The following ADPRHL1 variants were observed in gnomAD, a reference collection of about 807,000 sequenced individuals.
ADPRHL1 encodes inactive ADP-ribosyltransferase ARH2.
ADPRHL1 carries 43 observed loss-of-function variants against 44.1 expected under a neutral mutation model. That is an observed-to-expected ratio of 0.98 (90% CI 0.76 to 1.26). The LOEUF (loss-of-function observed/expected upper bound fraction) is 1.26, where lower values mean the gene tolerates loss of function less well. ADPRHL1 is among the 50% of genes most tolerant of loss of function. The pLI, the probability that ADPRHL1 is intolerant of heterozygous loss-of-function variation, is 0.00. For missense variants in ADPRHL1, 2,022 were observed against 2,496.9 expected (o/e 0.81, Z 4.05); for synonymous variants, 878 against 1,017.4 (o/e 0.86, Z 2.61).
At chr13:113,422,749 C>A in intron 7 of ADPRHL1, 77 bp downstream of exon 7, 1 of 1,579,574 alleles carries the variant, frequency 6.3e-7, no homozygotes, top group Non-Finnish European at 8.6e-7. Context: ...CACCCTCACC[C>A]AGGGGCTGCG....
At chr13:113,451,654 AAAAATCAG>A (rs2044179907) in intron 1 of ADPRHL1, among the ~76,000 whole-genome samples, 4 of 152,110 alleles carry the variant, frequency 2.6e-5, no homozygotes, top group Admixed American at 1.3e-4. Context: ...CTAAAAATAC[AAAAATCAG>A]CCGGGCGTGG....
intron 7 of ADPRHL1, among the ~76,000 whole-genome samples, chr13:113,417,704 A>G (rs1436425091): frequency 2.8e-5 from 2 of 72,160 alleles, no homozygotes; most frequent in Non-Finnish European, 6.2e-5. Context: ...AAGTGAGCTG[A>G]TAACTTATTT....
rs2043761605 is a variant in ADPRHL1, at chr13:113,401,510, G to A, written c.*1868C>T. 6.6e-6 allele frequency: 1 copy of A among 152,290 alleles called. No individual in the cohort carries two copies. Among genetic ancestry groups the A allele is most frequent in the African/African-American group, 2.4e-5 (1 of 41,412 alleles). The allele number at this position is 152,290 out of a possible 1,614,324, so 9.4% of individuals were successfully genotyped here. On this transcript the variant is annotated 3_prime_UTR_variant, in exon 8 of 8. Transcript: ENST00000612156. This position sits in a 1 kb window ranked among gnomAD's most constrained non-coding sequence, Gnocchi z 5.5. ...GCTGCCCCGGGACCCACACGCGCGA[G>A]GGGCACCCGGTGCTCAGGAGCCTCC...
chr13:113,446,423 C>T (rs984334725), intron 1 of ADPRHL1, among the ~76,000 whole-genome samples: 3 of 152,222 alleles, frequency 2.0e-5, no homozygotes, highest in South Asian at 2.1e-4. Flanking sequence ...TTCCCTGACC[C>T]GGCCCAGCAG....
chr13:113,415,888 T>C (rs1473107241), intron 7 of ADPRHL1, among the ~76,000 whole-genome samples: 2 of 152,052 alleles, frequency 1.3e-5, no homozygotes, highest in Non-Finnish European at 2.9e-5. Flanking sequence ...CTATACTTGA[T>C]CTTAGCCCAA....
chr13:113,426,483 C>G (rs2043969380), intron 4 of ADPRHL1, among the ~76,000 whole-genome samples: 1 of 152,252 alleles, frequency 6.6e-6, no homozygotes, highest in African/African-American at 2.4e-5. Flanking sequence ...GAGAGCAGAG[C>G]TGGAGGGCTG....
Position 113,433,851 on chromosome 13 carries a change from C to G in ADPRHL1, c.396G>C (p.Ala132=), listed in dbSNP as rs554520662. 3 of 1,561,420 alleles carry G rather than the reference C, an allele frequency of 1.9e-6. No homozygotes were observed. In the African/African-American group the frequency reaches 4.1e-5, roughly 21 times the overall value. ...PFNEKGSGFG[A]ATKAMCIGLR... ...GGCCGATGCACATGGCCTTGGTGGC[C>G]GCTCCAAACCCTGAGCCTGTGTGGA... Residue 132 remains alanine, a synonymous_variant, in exon 3 of 8, where the codon GCG becomes GCC. Transcript: ENST00000612156.
chr13:113,425,004 G>A, intron 5 of ADPRHL1, 48 bp downstream of exon 5: 1 of 1,606,676 alleles, frequency 6.2e-7, no homozygotes, highest in African/African-American at 1.3e-5. Flanking sequence ...CACTTATTGA[G>A]CACCACTGGT....
intron 2 of ADPRHL1, among the ~76,000 whole-genome samples, chr13:113,440,315 T>C (rs533595427): frequency 1.1e-4 from 16 of 152,350 alleles, no homozygotes; most frequent in African/African-American, 3.8e-4. Flanking sequence ...TATGTCCCCC[T>C]GATGAACTGA....
chr13:113,451,035 T>C (rs1391979051), intron 1 of ADPRHL1, among the ~76,000 whole-genome samples: 1 of 149,616 alleles, frequency 6.7e-6, no homozygotes, highest in Non-Finnish European at 1.5e-5. Flanking sequence ...ATCCGCCTGG[T>C]AACGGGCGTC....
At chr13:113,439,902 CT>C (rs1335180426) in intron 2 of ADPRHL1, among the ~76,000 whole-genome samples, 2 of 152,100 alleles carry the variant, frequency 1.3e-5, no homozygotes, top group Non-Finnish European at 2.9e-5. Context: ...CCTTATTTTC[CT>C]CTTAATTTCC....
At chr13:113,437,199 A>G (rs1440867638) in intron 2 of ADPRHL1, among the ~76,000 whole-genome samples, 7 of 141,642 alleles carry the variant, frequency 4.9e-5, no homozygotes, top group Admixed American at 1.4e-4. Context: ...CCCGGGACCC[A>G]GCACCCACAC....
chr13:113,453,278 G>C lies in ADPRHL1; in HGVS notation c.160C>G (p.Pro54Ala). ...DHLVLSPGEWPVSDNTIMHIA... is the reference protein window; with the variant it reads ...DHLVLSPGEWAVSDNTIMHIA... The stretch of plus-strand genomic sequence containing the variant: ...TGCATGATGGTGTTGTCACTCACGG[G>C]CCATTCTCCTGGCGAGAGTACGAGG... Residue 54 changes from proline to alanine, a missense_variant, in exon 1 of 8, where the codon CCC becomes GCC. This residue lies in a region of ADPRHL1 where 437 missense variants were observed against 430.7 expected (regional missense o/e 1.01). Coordinates refer to ENST00000612156, the MANE Select transcript of ADPRHL1 (RefSeq NM_001394807.1). This position sits in a 1 kb window ranked among gnomAD's most constrained non-coding sequence, Gnocchi z 5.4. The C allele has an allele frequency of 6.2e-7, 1 of 1,614,142 alleles. No homozygotes were observed. Among genetic ancestry groups the C allele is most frequent in the Non-Finnish European group, 8.5e-7 (1 of 1,180,028 alleles).
At chr13:113,429,548 T>C (rs183160832) in intron 3 of ADPRHL1, among the ~76,000 whole-genome samples, 1 of 152,384 alleles carries the variant, frequency 6.6e-6, no homozygotes, top group African/African-American at 2.4e-5. Context: ...CGCATTTTGA[T>C]TGCCCGTCAT....
chr13:113,450,681 G>C (rs61692142), intron 1 of ADPRHL1, among the ~76,000 whole-genome samples: 3 of 152,152 alleles, frequency 2.0e-5, no homozygotes, highest in African/African-American at 7.2e-5. Flanking sequence ...AGGAGACAGA[G>C]AGAAAGACAG....
rs2044136893 is a variant in ADPRHL1, at chr13:113,446,227, C to T, written c.215-1638G>A. 2.7e-5 allele frequency among the ~76,000 whole-genome samples: 4 copies of T among 146,242 alleles called. No homozygotes were observed. In the South Asian group the frequency reaches 9.1e-4, roughly 33 times the overall value. On this transcript the variant is annotated intron_variant, in intron 1 of 7. Transcript: ENST00000612156. ...TTGGCTGTGAACCCCCTAGAGAGCG[C>T]TCAGGGCCCTGCAGCTGCAAACCCC...
Position 113,403,103 on chromosome 13 carries a change from C to T in ADPRHL1, c.*275G>A, listed in dbSNP as rs764471521. The T allele has an allele frequency of 3.3e-4, 82 of 245,980 alleles. No individual in the cohort carries two copies. The highest frequency in any genetic ancestry group is 5.1e-4 in the Non-Finnish European group (71 of 138,156). The allele number at this position is 245,980 out of a possible 1,614,324, so 15.2% of individuals were successfully genotyped here. On this transcript the variant is annotated 3_prime_UTR_variant, in exon 8 of 8. Coordinates refer to ENST00000612156, the MANE Select transcript of ADPRHL1 (RefSeq NM_001394807.1). The stretch of plus-strand genomic sequence containing the variant: ...TGAGAGAGGGGTGAGCCGGCGCCCC[C>T]GAGTGAAGACACAAAGAATCCCGAG...
chr13:113,424,718 ATT>A, intron 5 of ADPRHL1, among the ~76,000 whole-genome samples: 1 of 2,792 alleles, frequency 3.6e-4, no homozygotes, highest in African/African-American at 1.2e-3. Context: ...TTACCCACAC[ATT>A]TACCTACCCA....
In ADPRHL1 at chr13:113,405,206, T is replaced by A. The variant is rs2043798557; in HGVS notation, c.4076A>T (p.Glu1359Val). The change falls in exon 8 of 8, where the codon GAG becomes GTG. Residue 1359 changes from glutamate to valine, a missense_variant. By Grantham distance (121) the Glu-to-Val change is moderately radical. Around this residue, in one of 8 missense-constraint regions of ADPRHL1, gnomAD observed 1,221 missense variants for 1,517.8 expected, o/e 0.80. Coordinates refer to ENST00000612156, the MANE Select transcript of ADPRHL1 (RefSeq NM_001394807.1). ...TQAKLRASVP[E>V]PRTQAGESQE... ...GGATTCACCTGCCTGCGTCCTAGGCTCGGGGACACTGGCCCGGAGCTTTGC... is the reference window on the plus strand; with the variant it reads ...GGATTCACCTGCCTGCGTCCTAGGCACGGGGACACTGGCCCGGAGCTTTGC... The A allele has an allele frequency of 8.1e-7, 1 of 1,231,754 alleles. No homozygotes were observed. The highest frequency in any genetic ancestry group is 1.6e-5 in the African/African-American group (1 of 64,426). The allele number at this position is 1,231,754 out of a possible 1,614,324, so 76.3% of individuals were successfully genotyped here. A position where few individuals can be genotyped will look rare whatever the true frequency, so the allele number is the denominator to read the frequency against.
Sources: gnomAD v4.1 joint callset for allele counts (sites outside exome capture counted in the v4.1 genomes callset) on GRCh38, gnomAD v4.1.1 for gene constraint, gnomAD v4.1.1 regional missense constraint, Gnocchi (gnomAD v3.1) non-coding constraint, MANE v1.5 for transcripts, NCBI Gene and HGNC (gene_info 2026-07-23, HGNC 2026-07-21) for gene names.